Variants in SHKBP1 observed in about 807,000 individuals in gnomAD.
SHKBP1 encodes the protein SH3KBP1-binding protein 1.
A neutral mutation model predicts 83.9 loss-of-function variants in SHKBP1; 71 were observed. That is an observed-to-expected ratio of 0.85 (90% CI 0.70 to 1.03). The LOEUF (loss-of-function observed/expected upper bound fraction) is 1.03. Among genes scored for constraint, SHKBP1 ranks in the 50% least tolerant of loss-of-function variants. SHKBP1 has a pLI of 0.00. For missense variants in SHKBP1, 824 were observed against 982.4 expected (o/e 0.84, Z 2.16); for synonymous variants, 371 against 398.0 (o/e 0.93, Z 0.81).
chr19:40,588,036 C>A (rs1303055905), intron 13 of SHKBP1, among the ~76,000 whole-genome samples: 1 of 152,142 alleles, frequency 6.6e-6, no homozygotes, highest in Non-Finnish European at 1.5e-5. Context: ...TGAGGAAGGA[C>A]CTTTGAGCAG....
Position 40,580,948 on chromosome 19 carries a change from A to T in SHKBP1, c.844+12A>T. The T allele has an allele frequency of 1.3e-6, 2 of 1,522,270 alleles. No homozygotes were observed. Among genetic ancestry groups the T allele is most frequent in the South Asian group, 1.3e-5 (1 of 78,192 alleles). 94.3% of individuals were successfully genotyped at this position (1,522,270 alleles called of 1,614,324 possible). On this transcript the variant is annotated intron_variant, in intron 9 of 17. Transcript: ENST00000291842. ...TGGCTCCGAGATAGGTATGACCCCA[A>T]GCCTTTTCCAGAACCCTCTGTCCTT... is the stretch of plus-strand genomic sequence containing the variant.
chr19:40,577,040 A>T, intron 1 of SHKBP1, 55 bp downstream of exon 1: 1 of 1,303,948 alleles, frequency 7.7e-7, no homozygotes, highest in South Asian at 1.4e-5. Flanking sequence ...GCGGGGTGGG[A>T]GTATCCGCCT....
rs773941088 is a variant in SHKBP1, at chr19:40,580,919, G to C, written c.827G>C (p.Gly276Ala). 1.3e-6 allele frequency: 2 copies of C among 1,576,788 alleles called. No individual in the cohort carries two copies. The highest frequency in any genetic ancestry group is 3.7e-5 in the Admixed American group (2 of 54,546). ...CTGCTATGGGCTCTGCAGGCGGAAG[G>C]CGGTGGCTCCGAGATAGGTATGACC... is the stretch of plus-strand genomic sequence containing the variant. Reference protein sequence around the residue: ...EILLWALQAEGGGSEIGVFHL... With the variant: ...EILLWALQAEAGGSEIGVFHL... The change falls in exon 9 of 18, where the codon GGC becomes GCC. Residue 276 changes from glycine to alanine, a missense_variant. Gly to Ala is a moderately conservative substitution (Grantham distance 60). Around this residue, in one of 3 missense-constraint regions of SHKBP1, gnomAD observed 355 missense variants for 386.4 expected, o/e 0.92. Transcript: ENST00000291842.
In SHKBP1 at chr19:40,590,305, G is replaced by T; in HGVS notation, c.1651G>T (p.Glu551Ter). ...GACAGCCTTCACAGTGCTGGAGTGC[G>T]AGGGCTCCCGGCGGCTCGGCTCTCG... ...PTTAFTVLEC[E>*]GSRRLGSRPR... The change falls in exon 16 of 18, where the codon GAG becomes TAG. Residue 551 changes from glutamate to a stop codon, truncating the protein, a stop_gained. Transcript: ENST00000291842. LOFTEE classifies it high-confidence loss of function. This position sits in a 1 kb window ranked among gnomAD's most constrained non-coding sequence, Gnocchi z 4.6. The T allele has an allele frequency of 6.2e-7, 1 of 1,609,194 alleles. No homozygotes were observed. The highest frequency in any genetic ancestry group is 8.5e-7 in the Non-Finnish European group (1 of 1,178,384).
In SHKBP1 at chr19:40,577,540, G is replaced by A. The variant is rs1568387104; in HGVS notation, c.187-17G>A. On this transcript the variant is annotated splice_polypyrimidine_tract_variant and intron_variant, in intron 3 of 17. Coordinates refer to ENST00000291842, the MANE Select transcript of SHKBP1 (RefSeq NM_138392.4). ...CTGCCTTTTACCCCATCCATCCTCT[G>A]CCCCCCTTTCCCGCAGATCTTCATC... 1.2e-6 allele frequency: 2 copies of A among 1,613,984 alleles called. No individual in the cohort carries two copies. Among genetic ancestry groups the A allele is most frequent in the South Asian group, 1.1e-5 (1 of 91,078 alleles).
rs770928031 is a variant in SHKBP1 at position 40,590,322 on chromosome 19, C to T, written c.1668C>T (p.Leu556=). The change falls in exon 16 of 18, where the codon CTC becomes CTT. Residue 556 remains leucine (L), a synonymous_variant. Coordinates refer to ENST00000291842, the MANE Select transcript of SHKBP1 (RefSeq NM_138392.4). This position sits in a 1 kb window ranked among gnomAD's most constrained non-coding sequence, Gnocchi z 4.6. Reference sequence around the variant, plus strand: ...TGGAGTGCGAGGGCTCCCGGCGGCTCGGCTCTCGGCCCCGGCGCTACCTGC... The same window carrying T: ...TGGAGTGCGAGGGCTCCCGGCGGCTTGGCTCTCGGCCCCGGCGCTACCTGC... ...TVLECEGSRR[L]GSRPRRYLLT... 1.8e-4 allele frequency: 285 copies of T among 1,609,908 alleles called. No individual in the cohort carries two copies. Among genetic ancestry groups the T allele is most frequent in the Non-Finnish European group, 2.2e-4 (261 of 1,178,678 alleles).
At chr19:40,577,878 A>G in intron 4 of SHKBP1, 1 of 619,076 alleles carries the variant, frequency 1.6e-6, no homozygotes, top group South Asian at 1.9e-5. Flanking sequence ...CCCTTCTCTA[A>G]AAAAGCAAAC....
At chr19:40,587,196 T>C (rs546674888) in intron 13 of SHKBP1, among the ~76,000 whole-genome samples, 1 of 152,308 alleles carries the variant, frequency 6.6e-6, no homozygotes, top group Admixed American at 6.5e-5. Flanking sequence ...ACCCACCATG[T>C]GCCAGGCATA....
At chr19:40,578,051 C>T (rs772518289) in intron 4 of SHKBP1, 103 bp from the exon 5 acceptor site, 1 of 939,660 alleles carries the variant, frequency 1.1e-6, no homozygotes, top group South Asian at 1.3e-5. Context: ...TCAAAACTTT[C>T]TACCCCTTGA....
At chr19:40,588,094 C>T (rs115782767) in intron 13 of SHKBP1, among the ~76,000 whole-genome samples, 63 of 152,124 alleles carry the variant, frequency 4.1e-4, no homozygotes, top group African/African-American at 1.4e-3. Context: ...GCATTCAGGC[C>T]GAGGGAACAG....
At position 40,577,617 on chromosome 19, in the gene SHKBP1, G is replaced by A. The variant is rs2145974335; in HGVS notation, c.247G>A (p.Glu83Lys). The part of the protein sequence containing the change: ...APILNFLRTK[E>K]LDPRGVHGSS... The stretch of plus-strand genomic sequence containing the variant: ...CATCCTCAACTTCCTGCGCACCAAA[G>A]AGTTGGATCCCAGGTTGGCATGGAA... Residue 83 changes from glutamate to lysine, a missense_variant, in exon 4 of 18, where the codon GAG becomes AAG. Transcript: ENST00000291842. The A allele has an allele frequency of 1.2e-6, 2 of 1,614,066 alleles. No individual in the cohort carries two copies. Among genetic ancestry groups the A allele is most frequent in the African/African-American group, 1.3e-5 (1 of 75,004 alleles).
chr19:40,583,670 C>T lies in SHKBP1; in HGVS notation c.1118C>T (p.Ala373Val), dbSNP rs753661337. ...GTCAGCGAGCTCTATCGGGACCCAG[C>T]GGAGGATGGGGTCACCGCCCTCAGT... is the stretch of plus-strand genomic sequence containing the variant. Reference protein sequence around the residue: ...LLVSELYRDPAEDGVTALSVY... With the variant: ...LLVSELYRDPVEDGVTALSVY... The change falls in exon 12 of 18, where the codon GCG becomes GTG. Residue 373 changes from alanine to valine, a missense_variant. This residue lies in a region of SHKBP1 where 182 missense variants were observed against 273.1 expected (regional missense o/e 0.67). Coordinates refer to ENST00000291842, the MANE Select transcript of SHKBP1 (RefSeq NM_138392.4). 7 of 1,613,962 alleles carry T rather than the reference C, an allele frequency of 4.3e-6. No homozygotes were observed. Among genetic ancestry groups the T allele is most frequent in the South Asian group, 1.1e-5 (1 of 91,072 alleles).
At chr19:40,582,594 GC>G in intron 10 of SHKBP1, 128 bp downstream of exon 10, 1 of 740,662 alleles carries the variant, frequency 1.4e-6, no homozygotes, top group Non-Finnish European at 2.2e-6. Flanking sequence ...CCAGCAGCTG[GC>G]CAGAGCCTGG....
At chr19:40,585,550 T>TTTTTTTTTTTTTTTTTTC (rs398034634) in intron 12 of SHKBP1, 7 of 144,710 alleles carry the variant, frequency 4.8e-5, no homozygotes, top group African/African-American at 5.1e-5. Flanking sequence ...TTTTTTTTTT[T>TTTTTTTTTTTTTTTTTTC]GTCTTTTCCT....
intron 1 of SHKBP1, 58 bp downstream of exon 1, chr19:40,577,043 A>G: frequency 7.6e-7 from 1 of 1,317,026 alleles, no homozygotes; most frequent in African/African-American, 1.5e-5. Context: ...GGGTGGGAGT[A>G]TCCGCCTCTC....
chr19:40,588,286 C>T (rs1359974042), intron 13 of SHKBP1, among the ~76,000 whole-genome samples: 1 of 152,158 alleles, frequency 6.6e-6, no homozygotes, highest in Non-Finnish European at 1.5e-5. Flanking sequence ...TTCACAGGCT[C>T]CACCTGGCTG....
At chr19:40,585,550 T>TTTTTTTTTC (rs398034634) in intron 12 of SHKBP1, 4 of 144,712 alleles carry the variant, frequency 2.8e-5, no homozygotes, top group Non-Finnish European at 3.0e-5. Context: ...TTTTTTTTTT[T>TTTTTTTTTC]GTCTTTTCCT....
In SHKBP1 at chr19:40,591,381, A is replaced by C; in HGVS notation, c.*174A>C. On this transcript the variant is annotated 3_prime_UTR_variant, in exon 18 of 18. Transcript: ENST00000291842. ...GGAAGCCAAAGTCACCCTCCCCAAT[A>C]AAGTCCTCACTGCCAACATCTTGCT... is the stretch of plus-strand genomic sequence containing the variant. 2 of 547,578 alleles carry C rather than the reference A, an allele frequency of 3.7e-6. No homozygotes were observed. Among genetic ancestry groups the C allele is most frequent in the Non-Finnish European group, 6.2e-6 (2 of 322,192 alleles). 33.9% of individuals were successfully genotyped at this position (547,578 alleles called of 1,614,324 possible).
Position 40,577,624 on chromosome 19 carries a change from A to G in SHKBP1, c.254A>G (p.Asp85Gly), listed in dbSNP as rs1395223979. ...ILNFLRTKELDPRGVHGSSLL... is the reference protein window; with the variant it reads ...ILNFLRTKELGPRGVHGSSLL... ...AACTTCCTGCGCACCAAAGAGTTGG[A>G]TCCCAGGTTGGCATGGAAAAAGGGG... The change falls in exon 4 of 18, where the codon GAT (aspartate) becomes GGT (glycine). Residue 85 changes from aspartate (D) to glycine (G), a missense_variant. Around this residue, in one of 3 missense-constraint regions of SHKBP1, gnomAD observed 355 missense variants for 386.4 expected, o/e 0.92. Coordinates refer to ENST00000291842, the MANE Select transcript of SHKBP1 (RefSeq NM_138392.4). 2 of 1,613,924 alleles carry G rather than the reference A, an allele frequency of 1.2e-6. No homozygotes were observed. Among genetic ancestry groups the G allele is most frequent in the Admixed American group, 1.7e-5 (1 of 59,990 alleles).
Sources: gnomAD v4.1 joint callset for allele counts (sites outside exome capture counted in the v4.1 genomes callset) on GRCh38, gnomAD v4.1.1 for gene constraint, gnomAD v4.1.1 regional missense constraint, Gnocchi (gnomAD v3.1) non-coding constraint, MANE v1.5 for transcripts, NCBI Gene and HGNC (gene_info 2026-07-23, HGNC 2026-07-21) for gene names.